Variants in ATRNL1 observed in about 807,000 individuals in gnomAD.
The protein encoded by ATRNL1 is attractin-like protein 1.
A neutral mutation model predicts 182.7 loss-of-function variants in ATRNL1; 95 were observed. That is an observed-to-expected ratio of 0.52 (90% CI 0.44 to 0.62). The LOEUF is 0.62. Ranked by LOEUF, ATRNL1 falls within the 20% of genes least tolerant of loss-of-function variation. The pLI, the probability that ATRNL1 is intolerant of heterozygous loss-of-function variation, is 0.00. For missense variants in ATRNL1, 1,471 were observed against 1,679.5 expected, an observed-to-expected ratio of 0.88 and a Z score of 2.17; for synonymous variants, 576 against 568.3, an observed-to-expected ratio of 1.01 and a Z score of -0.19.
chr10:115,372,242 T>G (rs1404030486), intron 19 of ATRNL1, among the ~76,000 whole-genome samples: 1 of 152,204 alleles, frequency 6.6e-6, no homozygotes, highest in Non-Finnish European at 1.5e-5. Flanking sequence ...TTGTTTGAGT[T>G]CCTTTTATAT....
intron 1 of ATRNL1, among the ~76,000 whole-genome samples, chr10:115,110,903 A>G (rs928688338): frequency 2.6e-5 from 4 of 152,194 alleles, no homozygotes; most frequent in African/African-American, 9.6e-5. Flanking sequence ...ATGAATGGTT[A>G]GAATTAATGC....
chr10:115,876,975 C>T (rs1236663156), intron 28 of ATRNL1, among the ~76,000 whole-genome samples: 2 of 152,152 alleles, frequency 1.3e-5, no homozygotes, highest in African/African-American at 2.4e-5. Flanking sequence ...CAATTAGAAG[C>T]ATAGTACAGT....
At chr10:115,816,274 T>C (rs1395619297) in intron 27 of ATRNL1, among the ~76,000 whole-genome samples, 1 of 152,164 alleles carries the variant, frequency 6.6e-6, no homozygotes, top group Admixed American at 6.6e-5. Context: ...GCCTACATTG[T>C]ATCACTAAGT....
intron 5 of ATRNL1, among the ~76,000 whole-genome samples, chr10:115,151,782 C>G (rs1846244814): frequency 6.6e-6 from 1 of 152,156 alleles, no homozygotes; most frequent in Non-Finnish European, 1.5e-5. Flanking sequence ...ACATGAAGTC[C>G]TTGCCCATGC....
chr10:115,400,237 C>T (rs537731795), intron 20 of ATRNL1, among the ~76,000 whole-genome samples: 3 of 152,076 alleles, frequency 2.0e-5, no homozygotes, highest in South Asian at 4.1e-4. Context: ...ACTGTTAATG[C>T]AAAAATTAAC....
At chr10:115,528,884 C>G (rs372954816) in intron 25 of ATRNL1, among the ~76,000 whole-genome samples, 2 of 152,070 alleles carry the variant, frequency 1.3e-5, no homozygotes, top group South Asian at 2.1e-4. Flanking sequence ...AACCATTGAT[C>G]AAATGTGTGT....
At chr10:115,597,791 T>C (rs993983296) in intron 26 of ATRNL1, 4 of 363,724 alleles carry the variant, frequency 1.1e-5, no homozygotes, top group Admixed American at 3.7e-5. Flanking sequence ...CACCTCGGCC[T>C]CCTAAAGTGC....
intron 27 of ATRNL1, among the ~76,000 whole-genome samples, chr10:115,782,431 G>T (rs1949286720): frequency 6.6e-6 from 1 of 152,144 alleles, no homozygotes; most frequent in Non-Finnish European, 1.5e-5. Flanking sequence ...ATGATGAAAA[G>T]AAAAAGTGTT....
chr10:115,707,805 C>T (rs1289713387), intron 26 of ATRNL1, among the ~76,000 whole-genome samples: 1 of 151,514 alleles, frequency 6.6e-6, no homozygotes, highest in Non-Finnish European at 1.5e-5. Flanking sequence ...ACTTATAAAT[C>T]TTGCTTATAT....
chr10:115,477,584 T>C (rs1848591091), intron 24 of ATRNL1, among the ~76,000 whole-genome samples: 1 of 151,636 alleles, frequency 6.6e-6, no homozygotes, highest in Non-Finnish European at 1.5e-5. Context: ...AGTAGTTTTT[T>C]GGCTTCTCTG....
chr10:115,599,347 T>C (rs1481669517), intron 26 of ATRNL1, among the ~76,000 whole-genome samples: 1 of 152,174 alleles, frequency 6.6e-6, no homozygotes, highest in African/African-American at 2.4e-5. Context: ...AAATGGTGCT[T>C]CATGAAAAAG....
chr10:115,654,231 T>A (rs1288370200), intron 26 of ATRNL1, among the ~76,000 whole-genome samples: 1 of 151,628 alleles, frequency 6.6e-6, no homozygotes, highest in Non-Finnish European at 1.5e-5. Context: ...TTTTTTTTTT[T>A]GTTTTTGAGA....
At chr10:115,408,088 C>T (rs1844938135) in intron 20 of ATRNL1, among the ~76,000 whole-genome samples, 1 of 148,292 alleles carries the variant, frequency 6.7e-6, no homozygotes, top group African/African-American at 2.5e-5. Context: ...ACTGCAAGCT[C>T]CGCTTCCCGG....
chr10:115,215,652 A>T (rs1554896018), intron 8 of ATRNL1, 45 bp from the exon 9 acceptor site: 4 of 1,426,562 alleles, frequency 2.8e-6, no homozygotes, highest in African/African-American at 1.5e-5. Flanking sequence ...AGTTATATTT[A>T]AAAATACTAC....
chr10:115,810,553 A>G (rs1950024310), intron 27 of ATRNL1, among the ~76,000 whole-genome samples: 1 of 152,020 alleles, frequency 6.6e-6, no homozygotes, highest in Non-Finnish European at 1.5e-5. Flanking sequence ...AGTGGCAATT[A>G]TAGTAGTAAG....
At chr10:115,278,738 A>C (rs922495272) in intron 13 of ATRNL1, among the ~76,000 whole-genome samples, 5 of 152,212 alleles carry the variant, frequency 3.3e-5, no homozygotes, top group Admixed American at 2.0e-4. Flanking sequence ...CTTAGGCACT[A>C]ATACTACTTT....
chr10:115,845,012 T>G (rs556785671), intron 27 of ATRNL1, among the ~76,000 whole-genome samples: 3 of 152,126 alleles, frequency 2.0e-5, no homozygotes, highest in Admixed American at 6.6e-5. Flanking sequence ...GATGTTTGGG[T>G]TTTTTTGTAT....
chr10:115,439,523 G>A (rs957094223), intron 21 of ATRNL1, among the ~76,000 whole-genome samples: 1 of 151,824 alleles, frequency 6.6e-6, no homozygotes, highest in African/African-American at 2.4e-5. Flanking sequence ...TTGCTAAATT[G>A]TACTAGTTTT....
chr10:115,935,899 A>G (rs975056174), intron 28 of ATRNL1, among the ~76,000 whole-genome samples: 1 of 152,144 alleles, frequency 6.6e-6, no homozygotes, highest in African/African-American at 2.4e-5. Context: ...TGGACAACAC[A>G]TGTAAGTCAT....
Sources: allele counts gnomAD v4.1 joint callset (sites outside exome capture counted in the v4.1 genomes callset), GRCh38; gene constraint gnomAD v4.1.1; transcripts MANE v1.5; gene names NCBI Gene and HGNC (gene_info 2026-07-23, HGNC 2026-07-21).